CPOX: variants seen among roughly 807,000 people sequenced by gnomAD.
CPOX encodes oxygen-dependent coproporphyrinogen-III oxidase, mitochondrial.
A neutral mutation model predicts 48.9 loss-of-function variants in CPOX; 24 were observed. The observed-to-expected ratio is 0.49, with a 90% CI of 0.36 to 0.69. CPOX has a LOEUF of 0.69. CPOX is among the 30% of genes least tolerant of loss of function. The probability of loss-of-function intolerance (pLI) is 0.00; values close to 1 mark genes in which losing one functional copy is unlikely to be tolerated. For missense variants in CPOX, 549 were observed against 597.3 expected (o/e 0.92, Z 0.84); for synonymous variants, 249 against 234.6 (o/e 1.06, Z -0.56).
chr3:98,590,295 G>A (rs551736905), intron 3 of CPOX, among the ~76,000 whole-genome samples: 7 of 152,232 alleles, frequency 4.6e-5, no homozygotes, highest in East Asian at 3.9e-4. Context: ...CTACAGGTGC[G>A]TGCCAGCACG....
At chr3:98,579,002 C>T (rs1292835936), downstream of CPOX, among the ~76,000 whole-genome samples, 4 of 152,142 alleles carry the variant, frequency 2.6e-5, no homozygotes, top group Admixed American at 6.5e-5. Flanking sequence ...TTTGCTTCTT[C>T]GCAGATTTTC....
rs114326476 is a variant in CPOX, at chr3:98,583,872, C to A, written c.1172+1569G>T. On this transcript the variant is annotated intron_variant, in intron 5 of 6. Coordinates refer to ENST00000647941, the MANE Select transcript of CPOX (RefSeq NM_000097.7). Reference sequence around the variant, plus strand: ...AGAGAAGAACTGGAGTTATCTTAGGCCCCAGAGTTTATTGCCATCTTAAGG... The same window carrying A: ...AGAGAAGAACTGGAGTTATCTTAGGACCCAGAGTTTATTGCCATCTTAAGG... Among the ~76,000 whole-genome samples the A allele has an allele frequency of 8.6e-3, 1,308 of 152,168 alleles. 24 individuals carry two copies. The highest frequency in any genetic ancestry group is 0.029 in the African/African-American group (1,223 of 41,500).
chr3:98,574,674 C>A (rs562448436), downstream of CPOX, among the ~76,000 whole-genome samples: 1 of 152,320 alleles, frequency 6.6e-6, no homozygotes, highest in East Asian at 1.9e-4. Flanking sequence ...CCCTGCCTCC[C>A]AGGTTCAAGC....
At chr3:98,572,661 C>A in the CPOX span, among the ~76,000 whole-genome samples, 1 of 152,150 alleles carries the variant, frequency 6.6e-6, no homozygotes, top group Admixed American at 6.5e-5. Context: ...CATCTTCATT[C>A]TCCATTTCTT....
chr3:98,587,635 C>A (rs1377418430), intron 4 of CPOX, among the ~76,000 whole-genome samples: 1 of 151,352 alleles, frequency 6.6e-6, no homozygotes, highest in Non-Finnish European at 1.5e-5. Context: ...ATGGATTAAT[C>A]CATCCATCAG....
chr3:98,581,615 C>T (rs772812810), intron 5 of CPOX, 104 bp from the exon 6 acceptor site: 2 of 869,758 alleles, frequency 2.3e-6, no homozygotes, highest in Non-Finnish European at 3.8e-6. Flanking sequence ...CCCCAGTTCC[C>T]ATCAGCTGGA....
chr3:98,582,286 T>C (rs945065949), intron 5 of CPOX, among the ~76,000 whole-genome samples: 1 of 152,216 alleles, frequency 6.6e-6, no homozygotes, highest in Non-Finnish European at 1.5e-5. Context: ...TTCAAAAGGA[T>C]AATTTCTACT....
rs545312520 is a variant in CPOX, at chr3:98,588,955, A to G, written c.812-101T>C. On this transcript the variant is annotated intron_variant, in intron 3 of 6. Transcript: ENST00000647941. ...TTAGCAGCTTAATTTTTTCAGCATAAAATGGATGACAATAAAAAAAATTTT... is the reference window on the plus strand; with the variant it reads ...TTAGCAGCTTAATTTTTTCAGCATAGAATGGATGACAATAAAAAAAATTTT... 7 of 1,370,742 alleles carry G rather than the reference A, an allele frequency of 5.1e-6. No homozygotes were observed. The South Asian group carries it at 8.5e-5, about 17-fold the overall frequency. 84.9% of individuals were successfully genotyped at this position (1,370,742 alleles called of 1,614,324 possible).
At chr3:98,581,070 G>C (rs1161024617) in intron 6 of CPOX, among the ~76,000 whole-genome samples, 1 of 151,708 alleles carries the variant, frequency 6.6e-6, no homozygotes, top group African/African-American at 2.4e-5. Flanking sequence ...GGTGATCCAT[G>C]GGCAAACCTT....
At chr3:98,585,764 G>A (rs1310037290) in intron 4 of CPOX, 105 bp from the exon 5 acceptor site, 3 of 890,478 alleles carry the variant, frequency 3.4e-6, no homozygotes, top group Admixed American at 3.8e-5. Context: ...CTAATGTCAG[G>A]ATGGTGTCCT....
intron 5 of CPOX, among the ~76,000 whole-genome samples, chr3:98,582,515 T>C (rs753894987): frequency 5.9e-5 from 9 of 151,364 alleles, no homozygotes; most frequent in Non-Finnish European, 8.8e-5. Flanking sequence ...TTTTTTGAGA[T>C]GGAATCTTAC....
the CPOX span, among the ~76,000 whole-genome samples, chr3:98,572,292 C>T: frequency 3.9e-5 from 6 of 152,036 alleles, no homozygotes; most frequent in African/African-American, 1.2e-4. Flanking sequence ...TTATGTTATG[C>T]TTTTAGATGT....
intron 4 of CPOX, among the ~76,000 whole-genome samples, chr3:98,587,347 G>A (rs1480126889): frequency 6.6e-6 from 1 of 151,850 alleles, no homozygotes; most frequent in East Asian, 1.9e-4. Context: ...AAAATTAAGT[G>A]ATCTACTTAT....
chr3:98,583,461 G>A (rs558735255), intron 5 of CPOX, among the ~76,000 whole-genome samples: 1 of 152,138 alleles, frequency 6.6e-6, no homozygotes, highest in African/African-American at 2.4e-5. Context: ...CCATACATCT[G>A]TCCTCTCTGG....
At chr3:98,589,483 G>A (rs1211718290) in intron 3 of CPOX, among the ~76,000 whole-genome samples, 6 of 151,830 alleles carry the variant, frequency 4.0e-5, no homozygotes, top group South Asian at 2.1e-4. Flanking sequence ...ATCACATGAC[G>A]AGCTTAAAAT....
intron 3 of CPOX, 44 bp from the exon 4 acceptor site, chr3:98,588,898 T>C: frequency 6.2e-7 from 1 of 1,608,388 alleles, no homozygotes; most frequent in Non-Finnish European, 8.5e-7. Context: ...CTTTTGAGAT[T>C]CAGCATTACT....
intron 4 of CPOX, among the ~76,000 whole-genome samples, chr3:98,588,512 T>C (rs1707410006): frequency 6.6e-6 from 1 of 152,256 alleles, no homozygotes; most frequent in Non-Finnish European, 1.5e-5. Context: ...AAGATATTAC[T>C]ACTCAATTTA....
chr3:98,586,991 C>G (rs1198247079), intron 4 of CPOX, among the ~76,000 whole-genome samples: 2 of 152,104 alleles, frequency 1.3e-5, no homozygotes, highest in East Asian at 3.8e-4. Flanking sequence ...GAAGCCATTT[C>G]CTAACTGTTA....
Position 98,580,588 on chromosome 3 carries a change from C to G in CPOX, c.*95G>C. On this transcript the variant is annotated 3_prime_UTR_variant, in exon 7 of 7. Transcript: ENST00000647941. ...GTGCAGAGTGGAGAAGACTAAGGCACGGGTAACTGCCACACAGTGGCAAAG... is the reference window on the plus strand; with the variant it reads ...GTGCAGAGTGGAGAAGACTAAGGCAGGGGTAACTGCCACACAGTGGCAAAG... The G allele has an allele frequency of 6.3e-7, 1 of 1,594,670 alleles. No homozygotes were observed. The highest frequency in any genetic ancestry group is 8.5e-7 in the Non-Finnish European group (1 of 1,170,220).
Sources: allele counts gnomAD v4.1 joint callset (sites outside exome capture counted in the v4.1 genomes callset), GRCh38; gene constraint gnomAD v4.1.1; transcripts MANE v1.5; gene names NCBI Gene and HGNC (gene_info 2026-07-23, HGNC 2026-07-21).